Variants in EDNRA observed in about 807,000 individuals in gnomAD.
EDNRA encodes the protein endothelin receptor type A.
In EDNRA, 11 loss-of-function variants were observed where a neutral mutation model predicts 41.4. The observed-to-expected ratio is 0.27, with a 90% confidence interval of 0.17 to 0.44. The LOEUF is 0.44. Ranked by LOEUF, EDNRA falls within the 20% of genes least tolerant of loss-of-function variation. The pLI is 1.00. For synonymous variants in EDNRA, 172 were observed against 183.0 expected, an observed-to-expected ratio of 0.94 and a Z score of 0.49; for missense variants, 294 against 531.0, an observed-to-expected ratio of 0.55 and a Z score of 4.39.
At chr4:147,481,877 CCCT>C (rs1202416569) in intron 1 of EDNRA, among the ~76,000 whole-genome samples, 2 of 152,204 alleles carry the variant, frequency 1.3e-5, no homozygotes, top group Admixed American at 6.5e-5. Context: ...TGGGGAAACC[CCCT>C]GTGTAGCTAG....
chr4:147,520,008 G>A (rs200918032), intron 3 of EDNRA, 30 bp downstream of exon 3: 20 of 1,583,740 alleles, frequency 1.3e-5, no homozygotes, highest in Admixed American at 1.8e-5. Flanking sequence ...TTGCTCTTTG[G>A]CTGGGCTTAG....
intron 2 of EDNRA, among the ~76,000 whole-genome samples, chr4:147,498,754 G>A (rs1729403502): frequency 6.6e-6 from 1 of 152,132 alleles, no homozygotes; most frequent in South Asian, 2.1e-4. Context: ...CTTCAGAAAT[G>A]TGAATAAGGC....
At chr4:147,490,647 T>C (rs1003286662) in intron 2 of EDNRA, 2 of 152,192 alleles carry the variant, frequency 1.3e-5, no homozygotes, top group African/African-American at 2.4e-5. Context: ...AAATAACCCC[T>C]GATTACTAGA....
chr4:147,521,856 C>T (rs532044174), intron 3 of EDNRA, among the ~76,000 whole-genome samples: 1 of 152,194 alleles, frequency 6.6e-6, no homozygotes, highest in African/African-American at 2.4e-5. Context: ...GTCCTACACA[C>T]ATGTTCTTCC....
At chr4:147,499,003 A>C (rs1729411749) in intron 2 of EDNRA, among the ~76,000 whole-genome samples, 1 of 152,216 alleles carries the variant, frequency 6.6e-6, no homozygotes, top group Admixed American at 6.5e-5. Context: ...ATTTTTTAAA[A>C]TGGTTTGTCA....
In EDNRA at chr4:147,485,807, C is replaced by G; in HGVS notation, c.126C>G (p.Gly42=). 1 of 1,614,236 alleles carries G rather than the reference C, an allele frequency of 6.2e-7. No individual in the cohort carries two copies. Among genetic ancestry groups the G allele is most frequent in the Non-Finnish European group, 8.5e-7 (1 of 1,180,050 alleles). The change falls in exon 2 of 8, where the codon GGC becomes GGG. Residue 42 remains glycine (G), a synonymous_variant. Coordinates refer to ENST00000651419, the MANE Select transcript of EDNRA (RefSeq NM_001957.4). ...NHVDDFTTFR[G]TELSFLVTTH... is the part of the protein sequence containing the mutation. The stretch of plus-strand genomic sequence containing the variant: ...TGGATGATTTCACCACTTTTCGTGG[C>G]ACAGAGCTCAGCTTCCTGGTTACCA...
chr4:147,483,682 A>C lies in EDNRA; in HGVS notation c.-70-1930A>C, dbSNP rs1728847755. Reference sequence around the variant, plus strand: ...GTTAACATCAACCTTGAATACACTCAGAAAAAGGATTCAATTTTATTTTTT... The same window carrying C: ...GTTAACATCAACCTTGAATACACTCCGAAAAAGGATTCAATTTTATTTTTT... On this transcript the variant is annotated intron_variant, in intron 1 of 7. Coordinates refer to ENST00000651419, the MANE Select transcript of EDNRA (RefSeq NM_001957.4). Among the ~76,000 whole-genome samples the C allele has an allele frequency of 2.6e-5, 4 of 152,030 alleles. No homozygotes were observed. In the South Asian group the frequency reaches 8.3e-4, roughly 32 times the overall value.
At chr4:147,528,244 A>G (rs994910201) in intron 3 of EDNRA, among the ~76,000 whole-genome samples, 3 of 152,204 alleles carry the variant, frequency 2.0e-5, no homozygotes, top group Non-Finnish European at 4.4e-5. Flanking sequence ...AAGACACTTC[A>G]TTCAACAGGT....
At chr4:147,494,291 G>C (rs1339999464) in intron 2 of EDNRA, 12 of 152,234 alleles carry the variant, frequency 7.9e-5, no homozygotes, top group Admixed American at 7.8e-4. Context: ...AAGACAAAAA[G>C]GGAAATAAGT....
intron 3 of EDNRA, 30 bp downstream of exon 3, chr4:147,520,008 G>T: frequency 1.3e-6 from 2 of 1,583,858 alleles, no homozygotes; most frequent in Non-Finnish European, 1.7e-6. Flanking sequence ...TTGCTCTTTG[G>T]CTGGGCTTAG....
chr4:147,491,099 G>A (rs1160721516), intron 2 of EDNRA: 1 of 152,144 alleles, frequency 6.6e-6, no homozygotes, highest in African/African-American at 2.4e-5. Flanking sequence ...GATAGAAGCC[G>A]GTAACTCTGT....
intron 4 of EDNRA, 143 bp downstream of exon 4, chr4:147,532,847 G>A: frequency 1.2e-6 from 1 of 816,092 alleles, no homozygotes; most frequent in Non-Finnish European, 2.0e-6. Context: ...AAAAGTAGAT[G>A]TTAAACCTGT....
chr4:147,530,169 T>C (rs1383086584), intron 3 of EDNRA, among the ~76,000 whole-genome samples: 1 of 152,230 alleles, frequency 6.6e-6, no homozygotes, highest in Non-Finnish European at 1.5e-5. Flanking sequence ...AAGCCACTTT[T>C]CACCCCAAAT....
At chr4:147,508,421 G>A (rs778581275) in intron 2 of EDNRA, among the ~76,000 whole-genome samples, 5 of 152,172 alleles carry the variant, frequency 3.3e-5, no homozygotes, top group Non-Finnish European at 5.9e-5. Flanking sequence ...TTACAGGCAT[G>A]AGCCACCATG....
At chr4:147,528,838 G>C (rs187705555) in intron 3 of EDNRA, among the ~76,000 whole-genome samples, 72 of 152,264 alleles carry the variant, frequency 4.7e-4, no homozygotes, top group Middle Eastern at 3.4e-3. Flanking sequence ...CCGGAAGGAA[G>C]TGAGGAAGCA....
chr4:147,522,543 CAA>C (rs781724124), intron 3 of EDNRA, among the ~76,000 whole-genome samples: 6 of 122,000 alleles, frequency 4.9e-5, no homozygotes, highest in Admixed American at 2.5e-4. Flanking sequence ...GACTCTGTCT[CAA>C]AAAAAAAAAA....
At chr4:147,523,480 G>GTTTTTGTTTT (rs1730405170) in intron 3 of EDNRA, among the ~76,000 whole-genome samples, 3 of 140,556 alleles carry the variant, frequency 2.1e-5, no homozygotes, top group Non-Finnish European at 4.6e-5. Context: ...TGTTGTTGTT[G>GTTTTTGTTTT]TTTTTTTGTT....
intron 3 of EDNRA, among the ~76,000 whole-genome samples, chr4:147,524,812 A>T: frequency 6.6e-6 from 1 of 152,226 alleles, no homozygotes; most frequent in Non-Finnish European, 1.5e-5. Context: ...TTCACACGAG[A>T]GAATGAATCA....
At chr4:147,534,870 A>G (rs1730865373) in intron 4 of EDNRA, among the ~76,000 whole-genome samples, 4 of 152,204 alleles carry the variant, frequency 2.6e-5, no homozygotes, top group Admixed American at 2.0e-4. Flanking sequence ...TGGCATAAAA[A>G]TAGTCAAGAA....
Sources: allele counts gnomAD v4.1 joint callset (sites outside exome capture counted in the v4.1 genomes callset), GRCh38; gene constraint gnomAD v4.1.1; transcripts MANE v1.5; gene names NCBI Gene and HGNC (gene_info 2026-07-23, HGNC 2026-07-21).